The following IFT140 variants were observed in gnomAD, a reference collection of about 807,000 sequenced individuals.
IFT140 encodes the protein intraflagellar transport 140, also known as intraflagellar transport protein 140 homolog.
IFT140 carries 133 observed loss-of-function variants against 164.6 expected under a neutral mutation model. The ratio of observed to expected loss-of-function variants is 0.81; its 90% CI spans 0.70 to 0.93. IFT140 has a LOEUF of 0.93. Ranked by LOEUF, IFT140 falls within the 40% of genes least tolerant of loss-of-function variation. IFT140 has a pLI of 0.00. For synonymous variants in IFT140, 860 were observed against 817.3 expected, an observed-to-expected ratio of 1.05 and a Z score of -0.89; for missense variants, 2,045 against 1,972.3, an observed-to-expected ratio of 1.04 and a Z score of -0.70.
At position 1,551,329 on chromosome 16, in the gene IFT140, GC is replaced by G. The variant is rs2032618550; in HGVS notation, c.2399+6605del. Among the ~76,000 whole-genome samples the G allele has an allele frequency of 6.6e-6, 1 of 152,128 alleles. No homozygotes were observed. The highest frequency in any genetic ancestry group is 1.5e-5 in the Non-Finnish European group (1 of 68,020). ...CTCTAAGCCGAGGCCCGAAGGATCAGCAGCAGGAGGGGCCCCTCCTCCCCAG... is the reference window on the plus strand; with the variant it reads ...CTCTAAGCCGAGGCCCGAAGGATCAGAGCAGGAGGGGCCCCTCCTCCCCAG... On this transcript the variant is annotated intron_variant, in intron 19 of 30. Coordinates refer to ENST00000426508, the MANE Select transcript of IFT140 (RefSeq NM_014714.4). The surrounding 1 kb of genome is among the most constrained non-coding windows in gnomAD (Gnocchi z 4.0).
chr16:1,561,712 G>T (rs1002236369), intron 18 of IFT140, among the ~76,000 whole-genome samples: 1 of 152,226 alleles, frequency 6.6e-6, no homozygotes, highest in Non-Finnish European at 1.5e-5. Context: ...AGTCCTGCCC[G>T]AGAGCTCCTT....
At position 1,531,088 on chromosome 16, in the gene IFT140, C is replaced by T. The variant is rs2030436085; in HGVS notation, c.2400-4292G>A. On this transcript the variant is annotated intron_variant, in intron 19 of 30. Transcript: ENST00000426508. The surrounding 1 kb of genome is among the most constrained non-coding windows in gnomAD (Gnocchi z 4.7). ...GCCCCGCGTGATTCCCACATCCTCT[C>T]CGCGACGGCCGGCCAGGGCTCTCGG... 1 of 152,402 alleles carries T rather than the reference C, an allele frequency of 6.6e-6. No individual in the cohort carries two copies. The highest frequency in any genetic ancestry group is 2.4e-5 in the African/African-American group (1 of 41,480). The allele number at this position is 152,402 out of a possible 1,614,324, so 9.4% of individuals were successfully genotyped here.
At chr16:1,580,532 T>C (rs2034501343) in intron 13 of IFT140, 1 of 429,278 alleles carries the variant, frequency 2.3e-6, no homozygotes, top group East Asian at 4.6e-5. Flanking sequence ...CCCACCAGGA[T>C]TGTAAGTTTC....
At position 1,558,125 on chromosome 16, in the gene IFT140, C is replaced by T. The variant is rs1161696291; in HGVS notation, c.2209G>A (p.Ala737Thr). 3 of 1,614,130 alleles carry T rather than the reference C, an allele frequency of 1.9e-6. No individual in the cohort carries two copies. Among genetic ancestry groups the T allele is most frequent in the Admixed American group, 3.3e-5 (2 of 60,016 alleles). ...GGCTCCACCTCGTCTTCTCTGTCTG[C>T]TTCTTCGGGCTAAATGACAAAGGAC... Reference protein sequence around the residue: ...YYYFTRKPEEADREDEVEPGC... With the variant: ...YYYFTRKPEETDREDEVEPGC... Residue 737 changes from alanine (A) to threonine (T), a missense_variant, in exon 19 of 31, where the codon GCA becomes ACA. Coordinates refer to ENST00000426508, the MANE Select transcript of IFT140 (RefSeq NM_014714.4).
In IFT140 at chr16:1,553,470, C is replaced by T; in HGVS notation, c.2399+4465G>A. 1 of 985,438 alleles carries T rather than the reference C, an allele frequency of 1.0e-6. No individual in the cohort carries two copies. Among genetic ancestry groups the T allele is most frequent in the Non-Finnish European group, 1.2e-6 (1 of 829,938 alleles). The allele number at this position is 985,438 out of a possible 1,614,324, so 61.0% of individuals were successfully genotyped here. On this transcript the variant is annotated intron_variant, in intron 19 of 30. Transcript: ENST00000426508. This position sits in a 1 kb window ranked among gnomAD's most constrained non-coding sequence, Gnocchi z 4.4. ...GACGCACAGGTGTCAACATGCAGGC[C>T]AGGCGGAGGGACAGCAGTGGGGCTC...
At position 1,534,390 on chromosome 16, in the gene IFT140, C is replaced by A; in HGVS notation, c.2400-7594G>T. The A allele has an allele frequency of 1.2e-6, 2 of 1,612,696 alleles. No individual in the cohort carries two copies. Among genetic ancestry groups the A allele is most frequent in the Admixed American group, 1.7e-5 (1 of 60,020 alleles). On this transcript the variant is annotated intron_variant, in intron 19 of 30. Coordinates refer to ENST00000426508, the MANE Select transcript of IFT140 (RefSeq NM_014714.4). ...GGTGTGCCAGACGCTGGAGGATGGG[C>A]GCAGGCGCAGCGTGGGGCTGTGGAG...
chr16:1,559,828 G>A (rs2033305887), intron 18 of IFT140, among the ~76,000 whole-genome samples: 1 of 152,226 alleles, frequency 6.6e-6, no homozygotes, highest in Admixed American at 6.5e-5. Flanking sequence ...AATAAGGGAG[G>A]AAAAGGATCT....
intron 19 of IFT140, among the ~76,000 whole-genome samples, chr16:1,548,955 C>T (rs1052213768): frequency 7.2e-5 from 11 of 152,262 alleles, no homozygotes; most frequent in African/African-American, 1.7e-4. Context: ...CTGTTCACGA[C>T]GTGAACCTTT....
At chr16:1,515,806 G>T (rs1381945975) in intron 30 of IFT140, among the ~76,000 whole-genome samples, 1 of 152,184 alleles carries the variant, frequency 6.6e-6, no homozygotes, top group African/African-American at 2.4e-5. Flanking sequence ...TGAACTAGAA[G>T]AAATGTTAAA....
intron 3 of IFT140, among the ~76,000 whole-genome samples, chr16:1,606,528 G>A (rs2036069980): frequency 6.6e-6 from 1 of 152,030 alleles, no homozygotes; most frequent in Non-Finnish European, 1.5e-5. Flanking sequence ...TGGCGTGATC[G>A]CCGCTCACTG....
At chr16:1,582,881 C>T (rs1014012511) in intron 12 of IFT140, among the ~76,000 whole-genome samples, 3 of 152,206 alleles carry the variant, frequency 2.0e-5, no homozygotes, top group African/African-American at 7.2e-5. Flanking sequence ...CCAGCCTGGG[C>T]AACAATGGCA....
At chr16:1,512,888 G>A (rs905549849) in intron 30 of IFT140, 8 of 152,246 alleles carry the variant, frequency 5.3e-5, no homozygotes, top group African/African-American at 1.2e-4. Flanking sequence ...GAAGTGGAAC[G>A]GCGCAGAGGG....
At chr16:1,541,093 T>TCA in intron 19 of IFT140, 2 of 985,442 alleles carry the variant, frequency 2.0e-6, no homozygotes, top group Non-Finnish European at 2.4e-6. Context: ...TGAAGTTCAC[T>TCA]CACAGAAGGC....
chr16:1,593,073 T>A (rs961347888), intron 4 of IFT140, among the ~76,000 whole-genome samples: 1 of 148,726 alleles, frequency 6.7e-6, no homozygotes, highest in Non-Finnish European at 1.5e-5. Flanking sequence ...CCTGGCAGAG[T>A]GACTGGTGGA....
intron 13 of IFT140, among the ~76,000 whole-genome samples, chr16:1,575,206 T>C (rs1420061608): frequency 4.1e-5 from 6 of 148,046 alleles, no homozygotes; most frequent in Admixed American, 4.0e-4. Context: ...TACAAAAATA[T>C]AATAATAATA....
chr16:1,592,536 G>A lies in IFT140; in HGVS notation c.422C>T (p.Thr141Met), dbSNP rs527332087. Residue 141 changes from threonine to methionine, a missense_variant, in exon 5 of 31, where the codon ACG becomes ATG. Coordinates refer to ENST00000426508, the MANE Select transcript of IFT140 (RefSeq NM_014714.4). ...CCCATACTCGTGTTTCAGCAGAGGC[G>A]TCCCTTGCACTCGGCCCCTTTGGTC... ...RLDQRGRVQG[T>M]PLLKHEYGKH... is the part of the protein sequence containing the mutation. 6.8e-6 allele frequency: 11 copies of A among 1,614,116 alleles called. No homozygotes were observed. The highest frequency in any genetic ancestry group is 1.1e-5 in the South Asian group (1 of 91,092).
At chr16:1,569,629 C>T (rs1374243233) in intron 14 of IFT140, among the ~76,000 whole-genome samples, 1 of 150,218 alleles carries the variant, frequency 6.7e-6, no homozygotes, top group East Asian at 2.0e-4. Context: ...CTCACTCTGT[C>T]GCCCAGGCTG....
chr16:1,574,503 A>T (rs2034176156), intron 13 of IFT140, among the ~76,000 whole-genome samples: 2 of 151,922 alleles, frequency 1.3e-5, no homozygotes, highest in Non-Finnish European at 2.9e-5. Flanking sequence ...CTGGTCTGGA[A>T]CTCCTGGGCT....
intron 19 of IFT140, among the ~76,000 whole-genome samples, chr16:1,535,929 G>A (rs1159885766): frequency 6.6e-6 from 1 of 152,252 alleles, no homozygotes; most frequent in East Asian, 1.9e-4. Context: ...CGTGACTCCG[G>A]CCAGGCGCCC....
Sources: allele counts gnomAD v4.1 joint callset (sites outside exome capture counted in the v4.1 genomes callset), GRCh38; gene constraint gnomAD v4.1.1; non-coding constraint Gnocchi (gnomAD v3.1); transcripts MANE v1.5; gene names NCBI Gene and HGNC (gene_info 2026-07-23, HGNC 2026-07-21).